SMARCAD1: variants seen among roughly 807,000 people sequenced by gnomAD.
SMARCAD1 encodes SNF2 related chromatin remodeling ATPase with DExD box 1, also known as SWI/SNF-related matrix-associated actin-dependent regulator of chromatin subfamily A containing DEAD/H box 1.
SMARCAD1 carries 25 observed loss-of-function variants against 127.1 expected under a neutral mutation model. That is an observed-to-expected ratio of 0.20 (90% CI 0.14 to 0.27). The LOEUF (loss-of-function observed/expected upper bound fraction) is 0.27, where lower values mean the gene tolerates loss of function less well. SMARCAD1 is among the 10% of genes least tolerant of loss of function. The pLI is 1.00. For missense variants in SMARCAD1, 807 were observed against 1,206.0 expected (o/e 0.67, Z 4.90); for synonymous variants, 400 against 396.9 (o/e 1.01, Z -0.09).
At chr4:94,233,622 G>C (rs1031267584) in intron 3 of SMARCAD1, among the ~76,000 whole-genome samples, 1 of 152,168 alleles carries the variant, frequency 6.6e-6, no homozygotes, top group Non-Finnish European at 1.5e-5. Context: ...GACATAGAGA[G>C]TATTGGTGAA....
chr4:94,238,949 C>T (rs1579128971), intron 5 of SMARCAD1, among the ~76,000 whole-genome samples: 2 of 152,044 alleles, frequency 1.3e-5, no homozygotes, highest in Non-Finnish European at 2.9e-5. Flanking sequence ...CAACCTCTGC[C>T]GTCATAAGAG....
intron 6 of SMARCAD1, among the ~76,000 whole-genome samples, chr4:94,243,994 T>A (rs1012387022): frequency 6.6e-6 from 1 of 152,046 alleles, no homozygotes; most frequent in Admixed American, 6.5e-5. Context: ...GCAACAGATA[T>A]AAAGGAATCC....
chr4:94,254,158 TAAA>T (rs1458001129), intron 9 of SMARCAD1, among the ~76,000 whole-genome samples: 1 of 152,136 alleles, frequency 6.6e-6, no homozygotes, highest in Non-Finnish European at 1.5e-5. Flanking sequence ...AAAATAATAA[TAAA>T]ACCATTTGTT....
At position 94,234,112 on chromosome 4, in the gene SMARCAD1, A is replaced by G; in HGVS notation, c.527A>G (p.Asp176Gly). 6.2e-7 allele frequency: 1 copy of G among 1,602,688 alleles called. No homozygotes were observed. The highest frequency in any genetic ancestry group is 8.5e-7 in the Non-Finnish European group (1 of 1,173,292). Residue 176 changes from aspartate to glycine, a missense_variant, in exon 4 of 24, where the codon GAT becomes GGT. Transcript: ENST00000354268. ...KELFPQRSDN[D>G]LLKLIESTST... The stretch of plus-strand genomic sequence containing the variant: ...CTTTTTCCACAAAGAAGTGACAATG[A>G]TTTACTTAAGGTTATATTCATTGGT...
At chr4:94,247,721 GC>G (rs1393124684) in intron 6 of SMARCAD1, among the ~76,000 whole-genome samples, 3 of 151,942 alleles carry the variant, frequency 2.0e-5, no homozygotes, top group Non-Finnish European at 4.4e-5. Context: ...CCGCCAATCT[GC>G]CTTCAGTCTC....
chr4:94,265,523 G>A (rs1751609984), intron 10 of SMARCAD1, among the ~76,000 whole-genome samples: 1 of 151,376 alleles, frequency 6.6e-6, no homozygotes, highest in South Asian at 2.1e-4. Context: ...AAAAAATACT[G>A]TCTAGTGGCC....
Position 94,213,106 on chromosome 4 carries a change from A to T in SMARCAD1, c.190+4522A>T, listed in dbSNP as rs1245588513. ...TCCTACTATATTTTATGAATAAAGA[A>T]TAAAAATGAGTGAAGCCTGATCCTC... On this transcript the variant is annotated intron_variant, in intron 2 of 23. Coordinates refer to ENST00000354268, the MANE Select transcript of SMARCAD1 (RefSeq NM_020159.5). 60 of 1,287,990 alleles carry T rather than the reference A, an allele frequency of 4.7e-5. 1 individual carries two copies. In the East Asian group the frequency reaches 2.6e-3, roughly 56 times the overall value. 79.8% of individuals were successfully genotyped at this position (1,287,990 alleles called of 1,614,324 possible). A position where few individuals can be genotyped will look rare whatever the true frequency, so the allele number is the denominator to read the frequency against.
chr4:94,233,063 A>G (rs969754061), intron 3 of SMARCAD1, among the ~76,000 whole-genome samples: 1 of 152,226 alleles, frequency 6.6e-6, no homozygotes, highest in Admixed American at 6.5e-5. Flanking sequence ...GCCATAAAGG[A>G]CACAACAGAA....
chr4:94,233,762 G>A (rs1746213149), intron 3 of SMARCAD1, among the ~76,000 whole-genome samples, 192 bp from the exon 4 acceptor site: 1 of 152,014 alleles, frequency 6.6e-6, no homozygotes, highest in Non-Finnish European at 1.5e-5. Context: ...GTATACTGAT[G>A]TTGGTAATGC....
chr4:94,251,702 G>T (rs1372246098), intron 8 of SMARCAD1, among the ~76,000 whole-genome samples: 1 of 152,048 alleles, frequency 6.6e-6, no homozygotes, highest in Non-Finnish European at 1.5e-5. Context: ...TCTGAATAAA[G>T]TATTGTATTA....
chr4:94,236,964 A>T lies in SMARCAD1; in HGVS notation c.550A>T (p.Thr184Ser). 1.2e-6 allele frequency: 2 copies of T among 1,613,324 alleles called. No individual in the cohort carries two copies. The highest frequency in any genetic ancestry group is 1.1e-5 in the South Asian group (1 of 91,060). Residue 184 changes from threonine (T) to serine (S), a missense_variant, in exon 5 of 24, where the codon ACA becomes TCA. By Grantham distance (58) the Thr-to-Ser change is moderately conservative (BLOSUM62 1). Coordinates refer to ENST00000354268, the MANE Select transcript of SMARCAD1 (RefSeq NM_020159.5). The part of the protein sequence containing the change: ...DNDLLKLIES[T>S]STMDGAIAAA... ...CTCGTTCTGTTAGTTGATTGAATCA[A>T]CAAGCACTATGGATGGAGCAATTGC...
rs201853859 is a variant in SMARCAD1 at position 94,273,709 on chromosome 4, A to G, written c.1665A>G (p.Ser555=). ...NGPHLIVVPA[S]TIDNWLREVN... ...CTCATTTGATCGTTGTTCCAGCTTCAACTATAGGTTTGTAATACTGGAGAC... is the reference window on the plus strand; with the variant it reads ...CTCATTTGATCGTTGTTCCAGCTTCGACTATAGGTTTGTAATACTGGAGAC... The change falls in exon 12 of 24, where the codon TCA becomes TCG. Residue 555 remains serine, a synonymous_variant. Transcript: ENST00000354268. The G allele has an allele frequency of 1.2e-5, 19 of 1,612,444 alleles. No individual in the cohort carries two copies. Among genetic ancestry groups the G allele is most frequent in the African/African-American group, 2.7e-5 (2 of 75,006 alleles).
rs1560576442 is a variant in SMARCAD1, at chr4:94,290,132, T to A, written c.*598T>A. On this transcript the variant is annotated 3_prime_UTR_variant, in exon 24 of 24. Transcript: ENST00000354268. ...TCCCCCAGGTCCTCTCAAGTACTTCTGCTGAAACAAATTTATTTGGCTAGG... is the reference window on the plus strand; with the variant it reads ...TCCCCCAGGTCCTCTCAAGTACTTCAGCTGAAACAAATTTATTTGGCTAGG... The A allele has an allele frequency of 2.2e-6, 1 of 454,542 alleles. No individual in the cohort carries two copies. Among genetic ancestry groups the A allele is most frequent in the South Asian group, 1.6e-5 (1 of 64,474 alleles). 28.2% of individuals were successfully genotyped at this position (454,542 alleles called of 1,614,324 possible).
chr4:94,278,888 C>T (rs369832691), intron 18 of SMARCAD1, 41 bp from the exon 19 acceptor site: 52 of 1,611,326 alleles, frequency 3.2e-5, no homozygotes, highest in African/African-American at 2.1e-4. Context: ...AACAGTTATC[C>T]GCTTGGTTTT....
In SMARCAD1 at chr4:94,289,634, CTTT is replaced by C; in HGVS notation, c.*103_*105del. ...CCATGGGGTTTATGAACATTTATAA[CTTT>C]TTATAATTTCCATATTACATTTCTC... On this transcript the variant is annotated 3_prime_UTR_variant, in exon 24 of 24. Transcript: ENST00000354268. The C allele has an allele frequency of 1.8e-6, 2 of 1,115,326 alleles. No individual in the cohort carries two copies. The highest frequency in any genetic ancestry group is 2.8e-6 in the Non-Finnish European group (2 of 726,468). 69.1% of individuals were successfully genotyped at this position (1,115,326 alleles called of 1,614,324 possible).
intron 20 of SMARCAD1, 56 bp from the exon 21 acceptor site, chr4:94,281,416 G>T: frequency 8.5e-7 from 1 of 1,182,698 alleles, no homozygotes; most frequent in African/African-American, 1.5e-5. Flanking sequence ...ACCTGTCAAG[G>T]CTTTGAGTAG....
chr4:94,272,417 G>A (rs1436679449), intron 11 of SMARCAD1, among the ~76,000 whole-genome samples: 1 of 152,174 alleles, frequency 6.6e-6, no homozygotes, highest in African/African-American at 2.4e-5. Flanking sequence ...GCAGTAAAAT[G>A]TACAAATATA....
At position 94,253,764 on chromosome 4, in the gene SMARCAD1, A is replaced by T. The variant is rs373665442; in HGVS notation, c.1281+757A>T. The T allele has an allele frequency of 2.6e-5, 21 of 818,628 alleles. No individual in the cohort carries two copies. In the African/African-American group the frequency reaches 3.7e-4, roughly 14 times the overall value. The allele number at this position is 818,628 out of a possible 1,614,324, so 50.7% of individuals were successfully genotyped here. A position where few individuals can be genotyped will look rare whatever the true frequency, so the allele number is the denominator to read the frequency against. On this transcript the variant is annotated intron_variant, in intron 9 of 23. Transcript: ENST00000354268. ...CTGCATTTTGAGTTTTATGAATGCC[A>T]ACAGTCATCAAATCTTATTCATACA...
chr4:94,247,751 A>G (rs1286083773), intron 6 of SMARCAD1, among the ~76,000 whole-genome samples: 1 of 152,184 alleles, frequency 6.6e-6, no homozygotes, highest in African/African-American at 2.4e-5. Flanking sequence ...CCTATTCTGA[A>G]CATTTCATTT....
Sources: allele counts gnomAD v4.1 joint callset (sites outside exome capture counted in the v4.1 genomes callset), GRCh38; gene constraint gnomAD v4.1.1; transcripts MANE v1.5; gene names NCBI Gene and HGNC (gene_info 2026-07-23, HGNC 2026-07-21).